Variants in ATP6V1H observed in about 807,000 individuals in gnomAD.
ATP6V1H encodes V-type proton ATPase subunit H.
ATP6V1H carries 39 observed loss-of-function variants against 71.7 expected under a neutral mutation model. The ratio of observed to expected loss-of-function variants is 0.54; its 90% CI spans 0.42 to 0.71. The LOEUF (loss-of-function observed/expected upper bound fraction) is 0.71. ATP6V1H is among the 30% of genes least tolerant of loss of function. ATP6V1H has a pLI of 0.00. For synonymous variants in ATP6V1H, 192 were observed against 199.3 expected, an observed-to-expected ratio of 0.96 and a Z score of 0.31; for missense variants, 509 against 594.9, an observed-to-expected ratio of 0.86 and a Z score of 1.50.
chr8:53,808,737 G>C (rs1422416514), intron 7 of ATP6V1H, among the ~76,000 whole-genome samples: 1 of 151,502 alleles, frequency 6.6e-6, no homozygotes, highest in African/African-American at 2.4e-5. Context: ...GGAGGCAGAA[G>C]TTGCAGTGAG....
At position 53,814,741 on chromosome 8, in the gene ATP6V1H, G is replaced by C; in HGVS notation, c.446C>G (p.Ala149Gly). Residue 149 changes from alanine (A) to glycine (G), a missense_variant, in exon 6 of 14, where the codon GCA (alanine) becomes GGA (glycine). Physicochemically the swap from Ala to Gly is moderately conservative, Grantham distance 60. Coordinates refer to ENST00000359530, the MANE Select transcript of ATP6V1H (RefSeq NM_015941.4). ...TTCCATCAGTTCTTTTCCCCAAGCT[G>C]CTAACTTGGCAATAATTCTTGCTGC... The part of the protein sequence containing the change: ...HMAARIIAKL[A>G]AWGKELMEGS... The C allele has an allele frequency of 6.2e-7, 1 of 1,611,454 alleles. No individual in the cohort carries two copies. The highest frequency in any genetic ancestry group is 8.5e-7 in the Non-Finnish European group (1 of 1,178,696).
intron 9 of ATP6V1H, among the ~76,000 whole-genome samples, chr8:53,777,318 C>G (rs1341142222): frequency 6.6e-6 from 1 of 151,494 alleles, no homozygotes; most frequent in Non-Finnish European, 1.5e-5. Flanking sequence ...TTCAAAGCAA[C>G]CAGAAAAAGA....
At chr8:53,729,954 A>G (rs1806959934) in intron 13 of ATP6V1H, among the ~76,000 whole-genome samples, 1 of 152,194 alleles carries the variant, frequency 6.6e-6, no homozygotes, top group African/African-American at 2.4e-5. Flanking sequence ...AGGAATTTGG[A>G]AGGGCATACC....
At chr8:53,810,006 A>G (rs1306554493) in intron 7 of ATP6V1H, among the ~76,000 whole-genome samples, 1 of 152,210 alleles carries the variant, frequency 6.6e-6, no homozygotes, top group African/African-American at 2.4e-5. Context: ...CCCAGCTTCA[A>G]AATGGATTTT....
At chr8:53,778,510 C>A (rs1808972811) in intron 9 of ATP6V1H, among the ~76,000 whole-genome samples, 1 of 152,168 alleles carries the variant, frequency 6.6e-6, no homozygotes, top group Non-Finnish European at 1.5e-5. Context: ...TTCTCAGCCT[C>A]TGACAACCGA....
At chr8:53,828,071 C>G (rs1810879666) in intron 4 of ATP6V1H, among the ~76,000 whole-genome samples, 1 of 152,138 alleles carries the variant, frequency 6.6e-6, no homozygotes, top group Non-Finnish European at 1.5e-5. Context: ...AACGAACAAA[C>G]ACGTGTGTGT....
In ATP6V1H at chr8:53,783,286, T is replaced by C. The variant is rs1472550011; in HGVS notation, c.871-11119A>G. 2.2e-3 allele frequency among the ~76,000 whole-genome samples: 331 copies of C among 152,220 alleles called. 2 individuals are homozygous for C. Among genetic ancestry groups the C allele is most frequent in the African/African-American group, 7.7e-3 (320 of 41,548 alleles). On this transcript the variant is annotated intron_variant, in intron 9 of 13. Transcript: ENST00000359530. ...TTAGTCTTGGGAGGGTGTATGTGTCTAGGAATTTAACCATTTCTTCTAGAT... is the reference window on the plus strand; with the variant it reads ...TTAGTCTTGGGAGGGTGTATGTGTCCAGGAATTTAACCATTTCTTCTAGAT...
chr8:53,809,396 A>T (rs1286305808), intron 7 of ATP6V1H, among the ~76,000 whole-genome samples: 1 of 152,244 alleles, frequency 6.6e-6, no homozygotes, highest in African/African-American at 2.4e-5. Context: ...TTTCAAGTAG[A>T]CAGCCATCTA....
At position 53,833,003 on chromosome 8, in the gene ATP6V1H, A is replaced by C. The variant is rs1811056212; in HGVS notation, c.197T>G (p.Leu66Arg). The C allele has an allele frequency of 6.2e-7, 1 of 1,613,072 alleles. No homozygotes were observed. Residue 66 changes from leucine (L) to arginine (R), a missense_variant, in exon 3 of 14, where the codon CTT becomes CGT. Leu to Arg is a moderately radical substitution (Grantham distance 102). Transcript: ENST00000359530. ...CATCACCTGGCTGCCTTCAGTTTGA[A>C]GCATCTCTTGCTTCTCTTCAGGGCT... ...KRSPEEKQEM[L>R]QTEGSQCAKT... is the part of the protein sequence containing the mutation.
intron 12 of ATP6V1H, among the ~76,000 whole-genome samples, chr8:53,748,061 G>A (rs1204722691): frequency 6.6e-6 from 1 of 152,016 alleles, no homozygotes; most frequent in African/African-American, 2.4e-5. Context: ...AGGAGGCTGA[G>A]GCAGGAGAAC....
intron 4 of ATP6V1H, among the ~76,000 whole-genome samples, chr8:53,822,113 T>C (rs1585827374): frequency 1.3e-5 from 2 of 152,276 alleles, no homozygotes; most frequent in East Asian, 3.9e-4. Flanking sequence ...GTCAAAGAAC[T>C]GTGAATCAGA....
intron 13 of ATP6V1H, among the ~76,000 whole-genome samples, chr8:53,723,881 C>T (rs1362998269): frequency 6.6e-6 from 1 of 152,214 alleles, no homozygotes; most frequent in Non-Finnish European, 1.5e-5. Context: ...AAAAGTTAGA[C>T]TTGTTTAAAT....
chr8:53,800,675 G>C (rs1333018628), intron 8 of ATP6V1H, among the ~76,000 whole-genome samples: 1 of 152,148 alleles, frequency 6.6e-6, no homozygotes, highest in Admixed American at 6.5e-5. Flanking sequence ...CAAGAACCTA[G>C]ATCATTTCGC....
chr8:53,755,708 A>T (rs1585750056), intron 12 of ATP6V1H, among the ~76,000 whole-genome samples: 4 of 3,206 alleles, frequency 1.2e-3, no homozygotes, highest in African/African-American at 5.7e-3. Context: ...ATATATATAT[A>T]TATATATATA....
intron 11 of ATP6V1H, among the ~76,000 whole-genome samples, chr8:53,766,947 A>G (rs1808492426): frequency 6.6e-6 from 1 of 152,174 alleles, no homozygotes; most frequent in Non-Finnish European, 1.5e-5. Flanking sequence ...TACCCTGTTA[A>G]GAACTTGATG....
chr8:53,779,329 T>C (rs1809011148), intron 9 of ATP6V1H, among the ~76,000 whole-genome samples: 1 of 152,008 alleles, frequency 6.6e-6, no homozygotes, highest in South Asian at 2.1e-4. Context: ...TCTTACAGAA[T>C]ATGTTCTTAA....
At chr8:53,738,323 GCA>G (rs902833986) in intron 13 of ATP6V1H, among the ~76,000 whole-genome samples, 3 of 150,414 alleles carry the variant, frequency 2.0e-5, no homozygotes, top group South Asian at 4.2e-4. Flanking sequence ...GCGTGCACGT[GCA>G]CACACACACA....
chr8:53,836,205 T>A (rs1230254786), intron 2 of ATP6V1H, among the ~76,000 whole-genome samples: 1 of 152,120 alleles, frequency 6.6e-6, no homozygotes, highest in Non-Finnish European at 1.5e-5. Context: ...ACTTCCTAGA[T>A]AAAAATAATT....
At chr8:53,842,670 C>A (rs1811381321) in intron 1 of ATP6V1H, 1 of 152,280 alleles carries the variant, frequency 6.6e-6, no homozygotes, top group African/African-American at 2.4e-5. Flanking sequence ...GGAGGCTCAG[C>A]CTCAGCGGCC....
Sources: allele counts gnomAD v4.1 joint callset (sites outside exome capture counted in the v4.1 genomes callset), GRCh38; gene constraint gnomAD v4.1.1; transcripts MANE v1.5; gene names NCBI Gene and HGNC (gene_info 2026-07-23, HGNC 2026-07-21).